The following ABCC5 variants were observed in gnomAD, a reference collection of about 807,000 sequenced individuals.
The protein encoded by ABCC5 is ATP-binding cassette sub-family C member 5.
Under a neutral mutation model 160.9 loss-of-function variants are expected in ABCC5, and 61 were observed. The ratio of observed to expected loss-of-function variants is 0.38; its 90% CI spans 0.31 to 0.47. The LOEUF (loss-of-function observed/expected upper bound fraction) is 0.47. Among genes scored for constraint, ABCC5 ranks in the 20% least tolerant of loss-of-function variants. ABCC5 has a pLI of 0.99. For missense variants in ABCC5, 1,308 were observed against 1,813.3 expected (o/e 0.72, Z 5.06); for synonymous variants, 666 against 700.6 (o/e 0.95, Z 0.78).
At chr3:183,960,088 C>A (rs2108815241) in intron 16 of ABCC5, among the ~76,000 whole-genome samples, 1 of 152,338 alleles carries the variant, frequency 6.6e-6, no homozygotes, top group Middle Eastern at 3.4e-3. Flanking sequence ...TTATTCTGTT[C>A]TTGTCCATTC....
At chr3:183,977,496 G>T in intron 10 of ABCC5, 21 bp downstream of exon 10, 2 of 1,548,840 alleles carry the variant, frequency 1.3e-6, no homozygotes, top group Non-Finnish European at 1.8e-6. Context: ...TGACACGGGG[G>T]CAGGGGAAGG....
chr3:183,944,560 A>G (rs1577488325), intron 24 of ABCC5, among the ~76,000 whole-genome samples: 2 of 152,216 alleles, frequency 1.3e-5, no homozygotes, highest in African/African-American at 2.4e-5. Context: ...AATAAAATAG[A>G]TAACTCTTAA....
intron 22 of ABCC5, 127 bp from the exon 23 acceptor site, chr3:183,947,637 GC>G (rs746292999): frequency 9.3e-5 from 72 of 774,874 alleles, no homozygotes; most frequent in Non-Finnish European, 1.3e-4. Context: ...CTGAGAGAAT[GC>G]CCTGGAAACT....
In ABCC5 at chr3:183,981,754, C is replaced by T; in HGVS notation, c.1120G>A (p.Val374Ile). ...TGAACACTCTGAGAAAATGCTTTGA[C>T]CCAGGCATACATTTTGATAAATTTA... ...YIKFIKMYAW[V>I]KAFSQSVQKI... The change falls in exon 8 of 30, where the codon GTC (valine) becomes ATC (isoleucine). Residue 374 changes from valine (V) to isoleucine (I), a missense_variant. Around this residue, in one of 3 missense-constraint regions of ABCC5, gnomAD observed 1,142 missense variants for 1,527.1 expected, o/e 0.75. Coordinates refer to ENST00000334444, the MANE Select transcript of ABCC5 (RefSeq NM_005688.4). The T allele has an allele frequency of 6.2e-7, 1 of 1,611,052 alleles. No individual in the cohort carries two copies. Among genetic ancestry groups the T allele is most frequent in the Non-Finnish European group, 8.5e-7 (1 of 1,179,276 alleles).
intron 12 of ABCC5, among the ~76,000 whole-genome samples, chr3:183,966,415 A>T (rs2108826493): frequency 6.6e-6 from 1 of 152,318 alleles, no homozygotes; most frequent in East Asian, 1.9e-4. Flanking sequence ...TGTAAACTAC[A>T]GTTAAAGCAG....
intron 17 of ABCC5, 96 bp from the exon 18 acceptor site, chr3:183,953,366 C>G: frequency 9.1e-7 from 1 of 1,099,834 alleles, no homozygotes; most frequent in East Asian, 2.5e-5. Flanking sequence ...CAACCGGCAG[C>G]TTCACAGGGG....
intron 26 of ABCC5, among the ~76,000 whole-genome samples, chr3:183,931,106 TAACAA>T: frequency 6.6e-6 from 1 of 152,222 alleles, no homozygotes; most frequent in South Asian, 2.1e-4. Context: ...CAAGCAATTA[TAACAA>T]TATGCTGTAA....
At chr3:183,926,282 T>C in intron 28 of ABCC5, among the ~76,000 whole-genome samples, 1 of 151,410 alleles carries the variant, frequency 6.6e-6, no homozygotes, top group Admixed American at 6.6e-5. Flanking sequence ...CTGAGCGCAG[T>C]GGCTCATGCC....
At chr3:183,946,181 T>G (rs1714822823) in intron 23 of ABCC5, among the ~76,000 whole-genome samples, 1 of 152,224 alleles carries the variant, frequency 6.6e-6, no homozygotes, top group African/African-American at 2.4e-5. Context: ...CCAAAGCCTT[T>G]CTATTCATCT....
At chr3:183,980,240 G>A (rs1718592753) in intron 8 of ABCC5, among the ~76,000 whole-genome samples, 3 of 152,152 alleles carry the variant, frequency 2.0e-5, no homozygotes, top group Admixed American at 2.0e-4. Flanking sequence ...TAAGGCATTG[G>A]GAACTATCTT....
At chr3:183,983,279 C>A (rs1718906138) in intron 5 of ABCC5, among the ~76,000 whole-genome samples, 1 of 152,210 alleles carries the variant, frequency 6.6e-6, no homozygotes, top group South Asian at 2.1e-4. Context: ...TATCAATGAG[C>A]TGAAATTAAC....
Position 183,989,306 on chromosome 3 carries a change from G to C in ABCC5, c.207C>G (p.Leu69=). 6.2e-7 allele frequency: 1 copy of C among 1,614,048 alleles called. No homozygotes were observed. The highest frequency in any genetic ancestry group is 8.5e-7 in the Non-Finnish European group (1 of 1,180,002). The change falls in exon 3 of 30, where the codon CTC becomes CTG. Residue 69 remains leucine, a synonymous_variant. Transcript: ENST00000334444. ...TGGGATGCTCCTCATCCAGGATTCT[G>C]AGCTGAGAATGCATGGAGGCATCAA... ...LSLDASMHSQ[L]RILDEEHPKG...
At chr3:183,984,193 G>A (rs932775187) in intron 5 of ABCC5, 59 of 985,402 alleles carry the variant, frequency 6.0e-5, no homozygotes, top group South Asian at 4.2e-4. Context: ...ACCTCTGCTC[G>A]GGACAGAATA....
chr3:183,942,663 G>T, intron 25 of ABCC5, 64 bp downstream of exon 25: 1 of 1,569,828 alleles, frequency 6.4e-7, no homozygotes. Context: ...TTAAAGGGGT[G>T]AAAGTGATAT....
At position 183,921,480 on chromosome 3, in the gene ABCC5, G is replaced by T; in HGVS notation, c.4213-79C>A. The T allele has an allele frequency of 7.5e-7, 1 of 1,331,994 alleles. No homozygotes were observed. The highest frequency in any genetic ancestry group is 1.0e-6 in the Non-Finnish European group (1 of 980,600). 82.5% of individuals were successfully genotyped at this position (1,331,994 alleles called of 1,614,324 possible). On this transcript the variant is annotated intron_variant, in intron 29 of 29. Coordinates refer to ENST00000334444, the MANE Select transcript of ABCC5 (RefSeq NM_005688.4). This position sits in a 1 kb window ranked among gnomAD's most constrained non-coding sequence, Gnocchi z 4.1. ...TCAGAGGATCCACGGCTCAGTAAGT[G>T]CCAGTGCCCTCTGAGGGTAGAATCT...
intron 26 of ABCC5, among the ~76,000 whole-genome samples, chr3:183,929,389 C>T (rs1208715080): frequency 2.0e-5 from 3 of 152,120 alleles, no homozygotes; most frequent in East Asian, 3.9e-4. Flanking sequence ...GCTGAGATCA[C>T]ACCACTGCAC....
At chr3:183,956,518 T>C (rs1477902591) in intron 17 of ABCC5, among the ~76,000 whole-genome samples, 1 of 139,336 alleles carries the variant, frequency 7.2e-6, no homozygotes, top group Non-Finnish European at 1.6e-5. Context: ...GTATATCACA[T>C]CGGTTACATG....
At chr3:183,938,586 C>T (rs754294328) in intron 25 of ABCC5, among the ~76,000 whole-genome samples, 20 of 152,090 alleles carry the variant, frequency 1.3e-4, no homozygotes, top group South Asian at 2.1e-4. Flanking sequence ...CGTGAGCCAC[C>T]GCGCCTGGCT....
rs1375880238 is a variant in ABCC5 at position 183,921,529 on chromosome 3, G to A, written c.4213-128C>T. On this transcript the variant is annotated intron_variant, in intron 29 of 29. Coordinates refer to ENST00000334444, the MANE Select transcript of ABCC5 (RefSeq NM_005688.4). The surrounding 1 kb of genome is among the most constrained non-coding windows in gnomAD (Gnocchi z 4.1). ...CTGGGGACAATTCAACTAGCCCTGC[G>A]TGCACCTCCCCCCTTATTTTTTTAT... The A allele has an allele frequency of 1.3e-5, 8 of 635,426 alleles. 1 individual carries two copies. The highest frequency in any genetic ancestry group is 3.6e-5 in the South Asian group (1 of 28,136). 39.4% of individuals were successfully genotyped at this position (635,426 alleles called of 1,614,324 possible).
Sources: allele counts gnomAD v4.1 joint callset (sites outside exome capture counted in the v4.1 genomes callset), GRCh38; gene constraint gnomAD v4.1.1; regional missense constraint gnomAD v4.1.1; non-coding constraint Gnocchi (gnomAD v3.1); transcripts MANE v1.5; gene names NCBI Gene and HGNC (gene_info 2026-07-23, HGNC 2026-07-21).